AATF: variants seen among roughly 807,000 people sequenced by gnomAD.
AATF encodes the protein protein AATF.
In AATF, 48 loss-of-function variants were observed where a neutral mutation model predicts 63.7. That is an observed-to-expected ratio of 0.75 (90% CI 0.60 to 0.96). AATF has a LOEUF of 0.96. Among genes scored for constraint, AATF ranks in the 40% least tolerant of loss-of-function variants. AATF has a pLI of 0.00. For missense variants in AATF, 639 were observed against 685.7 expected, an observed-to-expected ratio of 0.93 and a Z score of 0.76; for synonymous variants, 258 against 247.7, an observed-to-expected ratio of 1.04 and a Z score of -0.39.
At chr17:36,988,899 G>C (rs938148189) in intron 6 of AATF, among the ~76,000 whole-genome samples, 179 bp downstream of exon 6, 4 of 152,092 alleles carry the variant, frequency 2.6e-5, no homozygotes, top group Non-Finnish European at 5.9e-5. Context: ...ATTCAGACTT[G>C]GGATTTTAAC....
rs1194963066 is a variant in AATF at position 37,036,597 on chromosome 17, A to AT, written c.1619+4919dup. Among the ~76,000 whole-genome samples the AT allele has an allele frequency of 5.3e-5, 8 of 151,458 alleles. 1 individual carries two copies. The South Asian group carries it at 8.3e-4, about 16-fold the overall frequency. On this transcript the variant is annotated intron_variant, in intron 11 of 11. Coordinates refer to ENST00000619387, the MANE Select transcript of AATF (RefSeq NM_012138.4). ...AAGAATTTTTCTCTTCAAGCGATCT[A>AT]TTTTTTTAAAAAAAAAAACCTTTTA... is the stretch of plus-strand genomic sequence containing the variant.
Position 36,950,331 on chromosome 17 carries a change from G to C in AATF, c.209G>C (p.Arg70Thr). 6.2e-7 allele frequency: 1 copy of C among 1,614,180 alleles called. No homozygotes were observed. The highest frequency in any genetic ancestry group is 8.5e-7 in the Non-Finnish European group (1 of 1,180,040). Residue 70 changes from arginine (R) to threonine (T), a missense_variant, in exon 2 of 12, where the codon AGG becomes ACG. Physicochemically the swap from Arg to Thr is moderately conservative, Grantham distance 71. Transcript: ENST00000619387. ...GCCTCCCTCTTGGACACGGACAAAAGGTATTGCGGCAAAACCACCTCTAGA... is the reference window on the plus strand; with the variant it reads ...GCCTCCCTCTTGGACACGGACAAAACGTATTGCGGCAAAACCACCTCTAGA... ...ASASLLDTDK[R>T]YCGKTTSRKA...
chr17:36,990,856 A>G lies in AATF; in HGVS notation c.1397A>G (p.Gln466Arg), dbSNP rs748592627. Residue 466 changes from glutamine (Q) to arginine (R), a missense_variant and splice_region_variant, in exon 8 of 12, where the codon CAG becomes CGG. Coordinates refer to ENST00000619387, the MANE Select transcript of AATF (RefSeq NM_012138.4). The stretch of plus-strand genomic sequence containing the variant: ...TTTGATGATGATGACTTTTACCACC[A>G]GGTGAGACTTTTACACTCTCTTGTT... ...EIFDDDDFYH[Q>R]LLRELIERKT... The G allele has an allele frequency of 6.3e-6, 10 of 1,575,964 alleles. No homozygotes were observed. The South Asian group carries it at 1.2e-4, about 19-fold the overall frequency.
intron 4 of AATF, among the ~76,000 whole-genome samples, chr17:36,981,702 CTTTTTTT>C (rs71368433): frequency 1.4e-4 from 15 of 110,480 alleles, no homozygotes; most frequent in Admixed American, 8.3e-4. Flanking sequence ...TCTTTCTTTT[CTTTTTTT>C]TTTTTTTTTT....
intron 8 of AATF, among the ~76,000 whole-genome samples, chr17:37,007,775 G>A (rs2071353540): frequency 6.6e-6 from 1 of 152,152 alleles, no homozygotes; most frequent in Non-Finnish European, 1.5e-5. Flanking sequence ...AGGATGGCCA[G>A]GATTTTAGAT....
At chr17:36,970,743 C>T (rs978379632) in intron 4 of AATF, among the ~76,000 whole-genome samples, 15 of 151,774 alleles carry the variant, frequency 9.9e-5, no homozygotes, top group South Asian at 4.2e-4. Flanking sequence ...GGTCTTGTTA[C>T]GTTTCCCAGG....
intron 8 of AATF, among the ~76,000 whole-genome samples, chr17:36,997,614 A>G (rs934770466): frequency 2.0e-5 from 3 of 152,246 alleles, no homozygotes; most frequent in South Asian, 4.1e-4. Context: ...GAACACTTCC[A>G]TACTGCTGAT....
At chr17:36,962,760 C>T (rs2070958026) in intron 4 of AATF, among the ~76,000 whole-genome samples, 2 of 152,094 alleles carry the variant, frequency 1.3e-5, no homozygotes, top group South Asian at 4.1e-4. Context: ...CATATCATTG[C>T]ACAATGGAAC....
intron 11 of AATF, among the ~76,000 whole-genome samples, chr17:37,032,418 CT>C (rs754900370): frequency 5.3e-4 from 80 of 152,254 alleles, no homozygotes; most frequent in Middle Eastern, 3.4e-3. Flanking sequence ...TCTTTGAGTA[CT>C]TCCTTACTTT....
rs980132559 is a variant in AATF at position 36,949,026 on chromosome 17, G to A, written c.-100G>A. On this transcript the variant is annotated 5_prime_UTR_variant, in exon 1 of 12. Transcript: ENST00000619387. ...CGGTCTCTGGCGGAGTCGGGGAATC[G>A]GATCAAGGCGAGAGGATCCGGCAGG... The A allele has an allele frequency of 1.3e-5, 15 of 1,134,640 alleles. No individual in the cohort carries two copies. The highest frequency in any genetic ancestry group is 1.8e-5 in the Non-Finnish European group (14 of 795,998). The allele number at this position is 1,134,640 out of a possible 1,614,324, so 70.3% of individuals were successfully genotyped here.
In AATF at chr17:36,989,350, G is replaced by A. The variant is rs139574552; in HGVS notation, c.1253G>A (p.Arg418Gln). The A allele has an allele frequency of 1.6e-5, 26 of 1,614,004 alleles. No homozygotes were observed. The highest frequency in any genetic ancestry group is 6.7e-5 in the African/African-American group (5 of 75,030). ...ACACAGACCAAGCGCTCTGTCTATCGAGTTCTTGGCAAACCTGAGCCAGCA... is the reference window on the plus strand; with the variant it reads ...ACACAGACCAAGCGCTCTGTCTATCAAGTTCTTGGCAAACCTGAGCCAGCA... Reference protein sequence around the residue: ...RRTQTKRSVYRVLGKPEPAAQ... With the variant: ...RRTQTKRSVYQVLGKPEPAAQ... Residue 418 changes from arginine to glutamine, a missense_variant, in exon 7 of 12, where the codon CGA becomes CAA. By Grantham distance (43) the Arg-to-Gln change is conservative. Coordinates refer to ENST00000619387, the MANE Select transcript of AATF (RefSeq NM_012138.4).
intron 8 of AATF, among the ~76,000 whole-genome samples, chr17:37,011,814 C>T (rs891697743): frequency 6.6e-6 from 1 of 152,108 alleles, no homozygotes; most frequent in Non-Finnish European, 1.5e-5. Flanking sequence ...GAGACCTTAG[C>T]ACAGGTAGTT....
At chr17:37,025,609 G>C (rs540581599) in intron 10 of AATF, among the ~76,000 whole-genome samples, 3 of 152,184 alleles carry the variant, frequency 2.0e-5, no homozygotes, top group Non-Finnish European at 2.9e-5. Context: ...CGTTTCATTT[G>C]TGATCACATT....
intron 8 of AATF, among the ~76,000 whole-genome samples, chr17:36,995,167 T>C (rs982657029): frequency 3.9e-5 from 6 of 152,244 alleles, no homozygotes; most frequent in Admixed American, 2.0e-4. Context: ...TCACTTTGAC[T>C]CTAGCCAAGA....
intron 8 of AATF, among the ~76,000 whole-genome samples, chr17:37,015,854 C>T (rs1261182090): frequency 6.6e-6 from 1 of 152,170 alleles, no homozygotes; most frequent in Non-Finnish European, 1.5e-5. Context: ...GTACCTCATT[C>T]CAGCCTTCTT....
intron 11 of AATF, among the ~76,000 whole-genome samples, chr17:37,047,509 C>T (rs912119105): frequency 6.6e-6 from 1 of 152,212 alleles, no homozygotes; most frequent in African/African-American, 2.4e-5. Flanking sequence ...CCCTCTCCTC[C>T]CTGTTCCCCA....
intron 4 of AATF, among the ~76,000 whole-genome samples, chr17:36,969,358 C>T (rs548524933): frequency 2.0e-5 from 3 of 152,312 alleles, no homozygotes; most frequent in African/African-American, 7.2e-5. Flanking sequence ...TGCCTTTGCC[C>T]TCAACTATGA....
At chr17:37,012,122 G>T (rs933788901) in intron 8 of AATF, among the ~76,000 whole-genome samples, 10 of 151,306 alleles carry the variant, frequency 6.6e-5, no homozygotes, top group Non-Finnish European at 1.2e-4. Flanking sequence ...GCGCAATCTT[G>T]GCTCACTGCA....
chr17:36,997,493 TC>T (rs1305640494), intron 8 of AATF, among the ~76,000 whole-genome samples: 5 of 152,044 alleles, frequency 3.3e-5, no homozygotes, highest in Admixed American at 1.3e-4. Context: ...TCGCTAATGA[TC>T]AGGGAAATGC....
Sources: gnomAD v4.1 joint callset for allele counts (sites outside exome capture counted in the v4.1 genomes callset) on GRCh38, gnomAD v4.1.1 for gene constraint, MANE v1.5 for transcripts, NCBI Gene and HGNC (gene_info 2026-07-23, HGNC 2026-07-21) for gene names.